The following XKR4 variants were observed in gnomAD, a reference collection of about 807,000 sequenced individuals.
XKR4 encodes the protein XK-related protein 4.
XKR4 carries 12 observed loss-of-function variants against 53.9 expected under a neutral mutation model. The observed-to-expected ratio is 0.22, with a 90% CI of 0.14 to 0.36. The LOEUF (loss-of-function observed/expected upper bound fraction) is 0.36. Ranked by LOEUF, XKR4 falls within the 10% of genes least tolerant of loss-of-function variation. The pLI, the probability that XKR4 is intolerant of heterozygous loss-of-function variation, is 1.00. For synonymous variants in XKR4, 354 were observed against 362.4 expected (o/e 0.98, Z 0.26); for missense variants, 799 against 859.5 (o/e 0.93, Z 0.88).
chr8:55,117,507 G>A (rs1312203854), intron 1 of XKR4, among the ~76,000 whole-genome samples: 6 of 152,202 alleles, frequency 3.9e-5, no homozygotes, highest in African/African-American at 1.2e-4. Flanking sequence ...ATGATAAGGA[G>A]TAAATCTTTG....
chr8:55,267,315 T>G (rs1818620070), intron 1 of XKR4, among the ~76,000 whole-genome samples: 1 of 152,202 alleles, frequency 6.6e-6, no homozygotes, highest in South Asian at 2.1e-4. Context: ...AAGTAACATT[T>G]ATGTGACACT....
intron 1 of XKR4, among the ~76,000 whole-genome samples, chr8:55,151,410 G>A (rs1049593136): frequency 2.0e-5 from 3 of 152,180 alleles, no homozygotes; most frequent in African/African-American, 2.4e-5. Context: ...CAATTGTACC[G>A]CAAACTTCTG....
At chr8:55,289,591 G>GGA (rs1818956164) in intron 1 of XKR4, among the ~76,000 whole-genome samples, 122 of 67,298 alleles carry the variant, frequency 1.8e-3, no homozygotes, top group African/African-American at 6.9e-3. Context: ...AAGAAAGAAA[G>GGA]AGAAAGAAAG....
rs1361991136 is a variant in XKR4 at position 55,132,790 on chromosome 8, T to G, written c.806+29496T>G. Among the ~76,000 whole-genome samples the G allele has an allele frequency of 2.0e-5, 3 of 152,170 alleles. No individual in the cohort carries two copies. In the East Asian group the frequency reaches 5.8e-4, roughly 29 times the overall value. On this transcript the variant is annotated intron_variant, in intron 1 of 2. Coordinates refer to ENST00000327381, the MANE Select transcript of XKR4 (RefSeq NM_052898.2). ...AAGGAGGAGTGGTGCATCCAGGATGTTCTCAGAATAGAATTCTACTAAAAG... is the reference window on the plus strand; with the variant it reads ...AAGGAGGAGTGGTGCATCCAGGATGGTCTCAGAATAGAATTCTACTAAAAG...
At chr8:55,434,427 G>GTGTGTGTGTGTGTGTGTGTGTGTGTGTT (rs559898107) in intron 2 of XKR4, among the ~76,000 whole-genome samples, 17 of 151,886 alleles carry the variant, frequency 1.1e-4, no homozygotes, top group African/African-American at 4.1e-4. Context: ...GTGTGTGTGT[G>GTGTGTGTGTGTGTGTGTGTGTGTGTGTT]TGTGTGTGTG....
intron 1 of XKR4, among the ~76,000 whole-genome samples, chr8:55,270,813 G>A (rs377715062): frequency 6.6e-6 from 1 of 152,162 alleles, no homozygotes; most frequent in African/African-American, 2.4e-5. Context: ...TTCCACGCAT[G>A]ACTTTCAGGT....
chr8:55,139,512 CAAA>C (rs5891559), intron 1 of XKR4, among the ~76,000 whole-genome samples: 5 of 114,482 alleles, frequency 4.4e-5, no homozygotes, highest in Non-Finnish European at 8.6e-5. Context: ...GACTCCGTCT[CAAA>C]AAAAAAAAAA....
intron 1 of XKR4, among the ~76,000 whole-genome samples, chr8:55,291,440 T>C (rs1400690504): frequency 1.3e-5 from 2 of 152,226 alleles, no homozygotes; most frequent in African/African-American, 4.8e-5. Flanking sequence ...TAAAACTGTA[T>C]GTCAATCTGG....
intron 1 of XKR4, among the ~76,000 whole-genome samples, chr8:55,182,285 T>A (rs945369733): frequency 5.3e-5 from 8 of 152,258 alleles, no homozygotes; most frequent in African/African-American, 1.9e-4. Flanking sequence ...GTTTATCAAT[T>A]TTTTTCTTTT....
At chr8:55,222,688 C>G (rs1817897701) in intron 1 of XKR4, among the ~76,000 whole-genome samples, 1 of 152,174 alleles carries the variant, frequency 6.6e-6, no homozygotes, top group South Asian at 2.1e-4. Context: ...AGCACAAATT[C>G]TCTGGTACAT....
intron 2 of XKR4, among the ~76,000 whole-genome samples, chr8:55,393,774 C>T (rs934704831): frequency 4.6e-5 from 7 of 152,168 alleles, no homozygotes; most frequent in East Asian, 1.9e-4. Context: ...AATAAACAAA[C>T]GTCCCTTTTA....
chr8:55,324,990 A>G lies in XKR4; in HGVS notation c.807-32688A>G, dbSNP rs552519907. Among the ~76,000 whole-genome samples the G allele has an allele frequency of 2.0e-4, 30 of 149,330 alleles. No individual in the cohort carries two copies. The South Asian group carries it at 3.8e-3, about 19-fold the overall frequency. ...TGTTTAATGTATATCTAATTCATTC[A>G]GTAAGAATTAAGGATCCTTGACAGT... On this transcript the variant is annotated intron_variant, in intron 1 of 2. Transcript: ENST00000327381.
At chr8:55,107,405 A>G (rs1049647946) in intron 1 of XKR4, among the ~76,000 whole-genome samples, 3 of 152,162 alleles carry the variant, frequency 2.0e-5, no homozygotes, top group African/African-American at 7.2e-5. Context: ...GTATAAAAAT[A>G]ACAATTTACC....
intron 1 of XKR4, among the ~76,000 whole-genome samples, chr8:55,103,770 C>T (rs138406255): frequency 0.015 from 2,270 of 150,062 alleles, 26 homozygotes; most frequent in Middle Eastern, 0.049. Context: ...GTTGCTGCTG[C>T]TCAAAAGTAC....
chr8:55,351,712 A>G (rs576659557), intron 1 of XKR4, among the ~76,000 whole-genome samples: 1 of 152,280 alleles, frequency 6.6e-6, no homozygotes, highest in Non-Finnish European at 1.5e-5. Context: ...AGCCAACATC[A>G]CTGGCCCCCC....
At position 55,537,216 on chromosome 8, in the gene XKR4, T is replaced by C. The variant is rs919324364; in HGVS notation, c.*12989T>C. 2.0e-5 allele frequency: 3 copies of C among 152,220 alleles called. No homozygotes were observed. Among genetic ancestry groups the C allele is most frequent in the African/African-American group, 7.2e-5 (3 of 41,454 alleles). The allele number at this position is 152,220 out of a possible 1,614,324, so 9.4% of individuals were successfully genotyped here. On this transcript the variant is annotated 3_prime_UTR_variant, in exon 3 of 3. Transcript: ENST00000327381. ...ATATTTAGTGATATCTTTGTAGTCA[T>C]CGTTAAAATTCCTGGGAAAAAAAGA...
intron 1 of XKR4, among the ~76,000 whole-genome samples, chr8:55,268,208 T>C (rs1818638344): frequency 6.6e-6 from 1 of 152,170 alleles, no homozygotes; most frequent in African/African-American, 2.4e-5. Flanking sequence ...ATGGAGAGGG[T>C]AACAAGATTC....
intron 2 of XKR4, chr8:55,451,867 G>A (rs1805453551): frequency 1.2e-6 from 1 of 861,310 alleles, no homozygotes; most frequent in Admixed American, 1.9e-5. Flanking sequence ...GGCTGAGGAC[G>A]GGGTCAGTGT....
chr8:55,396,667 C>A (rs368672462), intron 2 of XKR4, among the ~76,000 whole-genome samples: 1 of 151,984 alleles, frequency 6.6e-6, no homozygotes, highest in Non-Finnish European at 1.5e-5. Context: ...GGAGGTAAAG[C>A]GGAACTGGAA....
Sources: gnomAD v4.1 joint callset for allele counts (sites outside exome capture counted in the v4.1 genomes callset) on GRCh38, gnomAD v4.1.1 for gene constraint, MANE v1.5 for transcripts, NCBI Gene and HGNC (gene_info 2026-07-23, HGNC 2026-07-21) for gene names.